Variants in ZFP42 observed in about 807,000 individuals in gnomAD.
ZFP42 encodes ZFP42 zinc finger protein.
For synonymous variants in ZFP42, 175 were observed against 144.6 expected (o/e 1.21, Z -1.51); for missense variants, 438 against 377.1 (o/e 1.16, Z -1.34).
intron 1 of ZFP42, among the ~76,000 whole-genome samples, chr4:187,998,589 T>G (rs1733695712): frequency 6.6e-6 from 1 of 152,210 alleles, no homozygotes. Context: ...TGTACCATTT[T>G]TTATCTTTTG....
intron 3 of ZFP42, among the ~76,000 whole-genome samples, chr4:188,000,858 G>A (rs551249824): frequency 3.4e-4 from 40 of 118,348 alleles, no homozygotes; most frequent in Non-Finnish European, 5.5e-4. Context: ...GTGGCGGGGC[G>A]GGGGGGCGCC....
intron 1 of ZFP42, among the ~76,000 whole-genome samples, chr4:187,997,182 C>G (rs1053095888): frequency 6.8e-6 from 1 of 147,412 alleles, no homozygotes; most frequent in African/African-American, 2.5e-5. Flanking sequence ...CTTTTCCAGA[C>G]ATTCATGATG....
chr4:188,003,305 A>C lies in ZFP42; in HGVS notation c.498A>C (p.Lys166Asn). ...CTGGCATTGACCTATCAGATCCTAA[A>C]CAGCTCGCAGAATTTGCTAGAAAGA... ...GIPGIDLSDP[K>N]QLAEFARKKP... Residue 166 changes from lysine (K) to asparagine (N), a missense_variant, in exon 4 of 4, where the codon AAA becomes AAC. Coordinates refer to ENST00000326866, the MANE Select transcript of ZFP42 (RefSeq NM_174900.5). The C allele has an allele frequency of 6.2e-7, 1 of 1,614,096 alleles. No homozygotes were observed. The highest frequency in any genetic ancestry group is 2.2e-5 in the East Asian group (1 of 44,880).
At chr4:187,997,150 C>A (rs1160528454) in intron 1 of ZFP42, among the ~76,000 whole-genome samples, 1 of 151,424 alleles carries the variant, frequency 6.6e-6, no homozygotes, top group Non-Finnish European at 1.5e-5. Context: ...CATCTGGCTC[C>A]GATGGCCCCC....
Position 187,998,129 on chromosome 4 carries a change from GAGTT to G in ZFP42, c.-338-978_-338-975del, listed in dbSNP as rs1420385841. ...AGGCAGGCGGATCGCCTGAGGTCGG[GAGTT>G]GGAGACCAGCCTGACCAACGTGGAG... On this transcript the variant is annotated intron_variant, in intron 1 of 3. Coordinates refer to ENST00000326866, the MANE Select transcript of ZFP42 (RefSeq NM_174900.5). Among the ~76,000 whole-genome samples, 4 of 152,180 alleles carry G rather than the reference GAGTT, an allele frequency of 2.6e-5. No homozygotes were observed. The East Asian group carries it at 5.8e-4, about 22-fold the overall frequency.
At position 188,003,501 on chromosome 4, in the gene ZFP42, C is replaced by G; in HGVS notation, c.694C>G (p.Leu232Val). The G allele has an allele frequency of 6.2e-7, 1 of 1,613,784 alleles. No individual in the cohort carries two copies. Among genetic ancestry groups the G allele is most frequent in the Non-Finnish European group, 8.5e-7 (1 of 1,180,024 alleles). ...GAAAGCGTTCGTTGAGAGCTCAAAA[C>G]TAAAGAGACATTTCCTGGTTCATAC... Reference protein sequence around the residue: ...CGKAFVESSKLKRHFLVHTGE... With the variant: ...CGKAFVESSKVKRHFLVHTGE... The change falls in exon 4 of 4, where the codon CTA (leucine) becomes GTA (valine). Residue 232 changes from leucine to valine, a missense_variant. Transcript: ENST00000326866.
At chr4:187,999,751 C>T (rs1353424799) in intron 3 of ZFP42, 66 bp downstream of exon 3, 1 of 152,166 alleles carries the variant, frequency 6.6e-6, no homozygotes, top group African/African-American at 2.4e-5. Context: ...GCTAGGAGAA[C>T]GTTTAGCTTT....
chr4:187,996,993 A>ATGGAGCATGGAGCGTGGAGCGTGGAGCG (rs1560911018), intron 1 of ZFP42, among the ~76,000 whole-genome samples: 13 of 110,688 alleles, frequency 1.2e-4, no homozygotes, highest in Admixed American at 1.8e-4. Flanking sequence ...TGTAGGGAGC[A>ATGGAGCATGGAGCGTGGAGCGTGGAGCG]TGGAGCATGG....
intron 3 of ZFP42, among the ~76,000 whole-genome samples, chr4:187,999,892 G>A (rs943336622): frequency 6.6e-5 from 10 of 152,178 alleles, no homozygotes; most frequent in African/African-American, 2.4e-4. Context: ...TGAGAAAAAA[G>A]AACATTTGTA....
intron 1 of ZFP42, among the ~76,000 whole-genome samples, chr4:187,996,149 A>G (rs1370044614): frequency 6.9e-6 from 1 of 144,580 alleles, no homozygotes; most frequent in Non-Finnish European, 1.5e-5. Flanking sequence ...TCATGTAAAT[A>G]TGTTTCCTTA....
chr4:188,000,616 C>T lies in ZFP42; in HGVS notation c.-96+931C>T, dbSNP rs373805248. Among the ~76,000 whole-genome samples the T allele has an allele frequency of 3.3e-5, 5 of 152,202 alleles. No homozygotes were observed. The East Asian group carries it at 9.8e-4, about 30-fold the overall frequency. On this transcript the variant is annotated intron_variant, in intron 3 of 3. Coordinates refer to ENST00000326866, the MANE Select transcript of ZFP42 (RefSeq NM_174900.5). ...CTTAAACTCCTGATCTCAGGTGATCCGCCAGCCTTGTGCTCACAAAGGGCT... is the reference window on the plus strand; with the variant it reads ...CTTAAACTCCTGATCTCAGGTGATCTGCCAGCCTTGTGCTCACAAAGGGCT...
chr4:187,997,041 C>CGTGG (rs1733615312), intron 1 of ZFP42, among the ~76,000 whole-genome samples: 1 of 127,808 alleles, frequency 7.8e-6, no homozygotes, highest in Admixed American at 7.8e-5. Context: ...GAGCGTGGAG[C>CGTGG]ATGGAGCATG....
rs1560915461 is a variant in ZFP42, at chr4:188,003,061, T to C, written c.254T>C (p.Ile85Thr). 1 of 1,614,110 alleles carries C rather than the reference T, an allele frequency of 6.2e-7. No individual in the cohort carries two copies. Among genetic ancestry groups the C allele is most frequent in the Non-Finnish European group, 8.5e-7 (1 of 1,180,014 alleles). The change falls in exon 4 of 4, where the codon ATC (isoleucine) becomes ACC (threonine). Residue 85 changes from isoleucine to threonine, a missense_variant. Transcript: ENST00000326866. Reference sequence around the variant, plus strand: ...ATAAGGGGTGAGTTTTCTCAACCCATCCTGGAAGAGGACTCACTTTTTGAG... The same window carrying C: ...ATAAGGGGTGAGTTTTCTCAACCCACCCTGGAAGAGGACTCACTTTTTGAG... ...CVIRGEFSQP[I>T]LEEDSLFESL...
intron 3 of ZFP42, among the ~76,000 whole-genome samples, chr4:188,001,581 A>T (rs1249301867): frequency 6.6e-6 from 1 of 152,124 alleles, no homozygotes; most frequent in Non-Finnish European, 1.5e-5. Flanking sequence ...GAACACAGCC[A>T]CCCTCATTCC....
At chr4:187,997,940 A>T (rs940943778) in intron 1 of ZFP42, among the ~76,000 whole-genome samples, 1 of 152,224 alleles carries the variant, frequency 6.6e-6, no homozygotes, top group African/African-American at 2.4e-5. Flanking sequence ...ACAGAATAAG[A>T]ATATAAAGAA....
intron 3 of ZFP42, among the ~76,000 whole-genome samples, chr4:188,000,967 G>A (rs1579119805): frequency 6.6e-6 from 1 of 152,220 alleles, no homozygotes; most frequent in East Asian, 1.9e-4. Flanking sequence ...TTGTACTCCA[G>A]CCTGGGCAAC....
chr4:188,000,082 T>G (rs1308713783), intron 3 of ZFP42, among the ~76,000 whole-genome samples: 1 of 152,164 alleles, frequency 6.6e-6, no homozygotes, highest in African/African-American at 2.4e-5. Context: ...GACATCAGAT[T>G]TTTTTGAATG....
chr4:188,004,848 A>T lies in ZFP42; in HGVS notation c.*1108A>T, dbSNP rs1000017269. The T allele has an allele frequency of 1.8e-5, 3 of 167,246 alleles. No individual in the cohort carries two copies. The highest frequency in any genetic ancestry group is 2.9e-5 in the Non-Finnish European group (2 of 68,124). 10.4% of individuals were successfully genotyped at this position (167,246 alleles called of 1,614,324 possible). A position where few individuals can be genotyped will look rare whatever the true frequency, so the allele number is the denominator to read the frequency against. ...CATGTCATAGCCCTAGAGAATGAAA[A>T]ATTTGCAGTAGATAGTCAATAAATG... On this transcript the variant is annotated 3_prime_UTR_variant, in exon 4 of 4. Coordinates refer to ENST00000326866, the MANE Select transcript of ZFP42 (RefSeq NM_174900.5).
intron 1 of ZFP42, among the ~76,000 whole-genome samples, chr4:187,997,035 GTGGAGCATGGAGCA>G (rs1286861135): frequency 3.5e-5 from 3 of 85,778 alleles, no homozygotes; most frequent in Non-Finnish European, 6.9e-5. Context: ...AGCATGGAGC[GTGGAGCATGGAGCA>G]TGGCCTGCAG....
Sources: gnomAD v4.1 joint callset for allele counts (sites outside exome capture counted in the v4.1 genomes callset) on GRCh38, gnomAD v4.1.1 for gene constraint, MANE v1.5 for transcripts, NCBI Gene and HGNC (gene_info 2026-07-23, HGNC 2026-07-21) for gene names.